The following UGT1A8 variants were observed in gnomAD, a reference collection of about 807,000 sequenced individuals.
UGT1A8 encodes the protein UDP-glucuronosyltransferase 1A8.
Under a neutral mutation model 45.3 loss-of-function variants are expected in UGT1A8, and 39 were observed. The ratio of observed to expected loss-of-function variants is 0.86; its 90% CI spans 0.67 to 1.12. UGT1A8 has a LOEUF of 1.12. UGT1A8 is among the 50% of genes most tolerant of loss of function. The pLI is 0.00. For synonymous variants in UGT1A8, 275 were observed against 249.2 expected (o/e 1.10, Z -0.97); for missense variants, 719 against 664.9 (o/e 1.08, Z -0.90).
intron 1 of UGT1A8, among the ~76,000 whole-genome samples, chr2:233,710,136 G>C (rs2076112958): frequency 6.6e-6 from 1 of 152,178 alleles, no homozygotes; most frequent in African/African-American, 2.4e-5. Context: ...GCATTTCATT[G>C]TATAGATATA....
chr2:233,757,560 A>ATATATATATATATATATATATATATG (rs904896556), intron 1 of UGT1A8, among the ~76,000 whole-genome samples: 17 of 123,144 alleles, frequency 1.4e-4, no homozygotes, highest in African/African-American at 3.1e-4. Flanking sequence ...ATATATATAT[A>ATATATATATATATATATATATATATG]TGTATATATG....
At position 233,747,957 on chromosome 2, in the gene UGT1A8, C is replaced by G. The variant is rs113780348; in HGVS notation, c.856-19077C>G. On this transcript the variant is annotated intron_variant, in intron 1 of 4. Transcript: ENST00000373450. Reference sequence around the variant, plus strand: ...GAGGGAGGTGTCAGTGGTGGATCTTCTCAGCCATGCATCTGTGTGGCTGTT... The same window carrying G: ...GAGGGAGGTGTCAGTGGTGGATCTTGTCAGCCATGCATCTGTGTGGCTGTT... 1,995 of 1,613,432 alleles carry G rather than the reference C, an allele frequency of 1.2e-3. 66 individuals carry two copies. The African/African-American group carries it at 0.02, about 16-fold the overall frequency.
Position 233,621,346 on chromosome 2 carries a change from A to G in UGT1A8, c.855+2784A>G, listed in dbSNP as rs542128637. Among the ~76,000 whole-genome samples, 174 of 152,288 alleles carry G rather than the reference A, an allele frequency of 1.1e-3. 1 individual carries two copies. Among genetic ancestry groups the G allele is most frequent in the African/African-American group, 3.7e-3 (155 of 41,566 alleles). On this transcript the variant is annotated intron_variant, in intron 1 of 4. Transcript: ENST00000373450. ...TTGAATTTTTGGTGAGTTCCAACAG[A>G]ATTGATGACTGGTTTTAGGTGAAAA...
intron 1 of UGT1A8, among the ~76,000 whole-genome samples, chr2:233,654,938 A>G (rs899505622): frequency 7.2e-5 from 11 of 152,202 alleles, no homozygotes; most frequent in Admixed American, 6.5e-5. Flanking sequence ...CTAAAAATAC[A>G]AAAATTAGCA....
intron 1 of UGT1A8, chr2:233,636,618 C>A (rs1490037301): frequency 1.4e-5 from 23 of 1,613,990 alleles, no homozygotes; most frequent in Non-Finnish European, 1.9e-5. Context: ...TGGTAGTGCC[C>A]ATGGATGGGA....
intron 1 of UGT1A8, among the ~76,000 whole-genome samples, chr2:233,635,363 G>T (rs1211216720): frequency 1.3e-5 from 2 of 150,580 alleles, no homozygotes; most frequent in Non-Finnish European, 2.9e-5. Context: ...GCTAGGCTGG[G>T]GAAGTTCTCC....
chr2:233,733,677 AC>A, intron 1 of UGT1A8, among the ~76,000 whole-genome samples: 1 of 152,244 alleles, frequency 6.6e-6, no homozygotes, highest in South Asian at 2.1e-4. Context: ...ATGTGGATAA[AC>A]TTTTTGATGT....
At chr2:233,668,366 C>T (rs1245270085) in intron 1 of UGT1A8, among the ~76,000 whole-genome samples, 2 of 152,144 alleles carry the variant, frequency 1.3e-5, no homozygotes, top group African/African-American at 2.4e-5. Flanking sequence ...TCATCCATGT[C>T]GCTACAAAGG....
At chr2:233,669,535 A>AT (rs1162269560) in intron 1 of UGT1A8, among the ~76,000 whole-genome samples, 1 of 152,042 alleles carries the variant, frequency 6.6e-6, no homozygotes. Context: ...ATCTGTTAGT[A>AT]TTTTTTATTT....
At chr2:233,748,342 C>G (rs117379305) in intron 1 of UGT1A8, among the ~76,000 whole-genome samples, 3 of 151,616 alleles carry the variant, frequency 2.0e-5, no homozygotes, top group African/African-American at 7.3e-5. Context: ...GGAGACTGTT[C>G]GTTTGTAAAG....
chr2:233,647,074 G>A (rs947282264), intron 1 of UGT1A8, among the ~76,000 whole-genome samples: 1 of 152,216 alleles, frequency 6.6e-6, no homozygotes, highest in Non-Finnish European at 1.5e-5. Flanking sequence ...AGCAGGCAAA[G>A]AAAGAGAGCT....
At chr2:233,758,327 A>G (rs1696843047) in intron 1 of UGT1A8, among the ~76,000 whole-genome samples, 1 of 152,192 alleles carries the variant, frequency 6.6e-6, no homozygotes, top group Non-Finnish European at 1.5e-5. Flanking sequence ...CAGCCTCAAA[A>G]AGCTTGGAAG....
intron 1 of UGT1A8, among the ~76,000 whole-genome samples, chr2:233,741,359 CA>C (rs1323316954): frequency 6.6e-6 from 1 of 151,778 alleles, no homozygotes; most frequent in Non-Finnish European, 1.5e-5. Flanking sequence ...CACAAAACCA[CA>C]ATGAAACTGC....
chr2:233,748,342 C>T lies in UGT1A8; in HGVS notation c.856-18692C>T, dbSNP rs117379305. ...ACTGATGTGACTCATGGAGACTGTT[C>T]GTTTGTAAAGGCACCATCTTCATGG... On this transcript the variant is annotated intron_variant, in intron 1 of 4. Transcript: ENST00000373450. 1.9e-3 allele frequency among the ~76,000 whole-genome samples: 287 copies of T among 151,736 alleles called. 5 individuals carry two copies. The East Asian group carries it at 0.054, about 29-fold the overall frequency.
rs2073893090 is a variant in UGT1A8, at chr2:233,658,021, T to C, written c.855+39459T>C. Among the ~76,000 whole-genome samples, 5 of 89,236 alleles carry C rather than the reference T, an allele frequency of 5.6e-5. No individual in the cohort carries two copies. The South Asian group carries it at 2.2e-3, about 39-fold the overall frequency. The allele number at this position is 89,236 out of a possible 152,430, so 58.5% of individuals were successfully genotyped here. ...ATCCTGTGCCTAGTTTCCTCCTCTT[T>C]TTTTTTTTTTTTTTTGAGACAAAGT... On this transcript the variant is annotated intron_variant, in intron 1 of 4. Coordinates refer to ENST00000373450, the MANE Select transcript of UGT1A8 (RefSeq NM_019076.5).
intron 1 of UGT1A8, among the ~76,000 whole-genome samples, chr2:233,675,530 C>A (rs903544612): frequency 7.9e-5 from 12 of 152,106 alleles, no homozygotes; most frequent in Non-Finnish European, 1.8e-4. Context: ...GTGCTTCCCC[C>A]CTTGCTGTAA....
chr2:233,648,758 C>G, intron 1 of UGT1A8: 1 of 697,012 alleles, frequency 1.4e-6, no homozygotes, highest in Non-Finnish European at 2.3e-6. Flanking sequence ...GCCACCACAC[C>G]CAGCCTGGAT....
At chr2:233,765,664 CA>C (rs970582402) in intron 1 of UGT1A8, among the ~76,000 whole-genome samples, 2 of 151,540 alleles carry the variant, frequency 1.3e-5, no homozygotes, top group African/African-American at 4.9e-5. Context: ...AGCAAACCAC[CA>C]TGGCATATGT....
chr2:233,733,255 C>T (rs2078373056), intron 1 of UGT1A8, among the ~76,000 whole-genome samples: 1 of 152,174 alleles, frequency 6.6e-6, no homozygotes, highest in African/African-American at 2.4e-5. Context: ...CATCTGCAAA[C>T]AGGGACTATT....
Sources: allele counts gnomAD v4.1 joint callset (sites outside exome capture counted in the v4.1 genomes callset), GRCh38; gene constraint gnomAD v4.1.1; transcripts MANE v1.5; gene names NCBI Gene and HGNC (gene_info 2026-07-23, HGNC 2026-07-21).